Variants in UVRAG observed in about 807,000 individuals in gnomAD.
UVRAG encodes the protein UV radiation resistance-associated gene protein.
A neutral mutation model predicts 78.0 loss-of-function variants in UVRAG; 19 were observed. The observed-to-expected ratio is 0.24, with a 90% CI of 0.17 to 0.36. The LOEUF (loss-of-function observed/expected upper bound fraction) is 0.36, where lower values mean the gene tolerates loss of function less well. Among genes scored for constraint, UVRAG ranks in the 10% least tolerant of loss-of-function variants. The probability of loss-of-function intolerance (pLI) is 1.00; values close to 1 mark genes in which losing one functional copy is unlikely to be tolerated. For missense variants in UVRAG, 740 were observed against 853.8 expected (o/e 0.87, Z 1.66); for synonymous variants, 323 against 324.6 (o/e 1.00, Z 0.05).
At chr11:75,868,671 T>C (rs1413276142) in intron 3 of UVRAG, among the ~76,000 whole-genome samples, 3 of 152,220 alleles carry the variant, frequency 2.0e-5, no homozygotes, top group African/African-American at 4.8e-5. Context: ...CTTGATATTA[T>C]TGAAAGGTCA....
At chr11:75,983,287 T>C in intron 7 of UVRAG, 100 bp from the exon 8 acceptor site, 1 of 1,122,890 alleles carries the variant, frequency 8.9e-7, no homozygotes, top group Non-Finnish European at 1.2e-6. Context: ...AGTATTAAAA[T>C]GTTTTAAGCC....
At chr11:76,125,354 C>T (rs1952365308) in intron 14 of UVRAG, among the ~76,000 whole-genome samples, 2 of 152,230 alleles carry the variant, frequency 1.3e-5, no homozygotes, top group Non-Finnish European at 2.9e-5. Context: ...GACGAGTCAT[C>T]TCCTTGTCTC....
intron 12 of UVRAG, among the ~76,000 whole-genome samples, chr11:76,056,056 A>AT (rs1184189035): frequency 6.6e-6 from 1 of 152,178 alleles, no homozygotes; most frequent in Non-Finnish European, 1.5e-5. Flanking sequence ...CATCAAATAC[A>AT]TAGGCATCTG....
intron 13 of UVRAG, among the ~76,000 whole-genome samples, chr11:76,094,271 A>T (rs1951751467): frequency 3.9e-5 from 6 of 152,250 alleles, no homozygotes; most frequent in South Asian, 2.1e-4. Flanking sequence ...AGTATTTTAT[A>T]GAGGATTTTT....
chr11:75,887,582 G>C (rs980834272), intron 4 of UVRAG, among the ~76,000 whole-genome samples: 9 of 151,910 alleles, frequency 5.9e-5, no homozygotes, highest in South Asian at 2.1e-4. Flanking sequence ...CGAGTAGCTG[G>C]GACTGCAGGC....
At chr11:75,842,317 G>C (rs561245282) in intron 1 of UVRAG, among the ~76,000 whole-genome samples, 1 of 152,222 alleles carries the variant, frequency 6.6e-6, no homozygotes, top group South Asian at 2.1e-4. Flanking sequence ...ACTGCAGTCG[G>C]TCACAAGGTG....
intron 1 of UVRAG, among the ~76,000 whole-genome samples, chr11:75,823,874 C>T (rs1434849153): frequency 6.6e-6 from 1 of 152,114 alleles, no homozygotes; most frequent in Non-Finnish European, 1.5e-5. Flanking sequence ...AAGAACTTTA[C>T]AGCCTAAAGA....
intron 6 of UVRAG, among the ~76,000 whole-genome samples, chr11:75,934,149 C>T (rs1948309407): frequency 6.6e-6 from 1 of 152,136 alleles, no homozygotes; most frequent in Admixed American, 6.5e-5. Flanking sequence ...CAATGGAATA[C>T]TATTCCGCCA....
At position 75,961,002 on chromosome 11, in the gene UVRAG, A is replaced by G. The variant is rs185938679; in HGVS notation, c.594-442A>G. Among the ~76,000 whole-genome samples, 5 of 151,074 alleles carry G rather than the reference A, an allele frequency of 3.3e-5. No homozygotes were observed. In the East Asian group the frequency reaches 5.9e-4, roughly 18 times the overall value. ...TGAGAGTGCTGTCTGCTTTGATTCA[A>G]CCTTCTCAACTTGGATTACTGTGAA... On this transcript the variant is annotated intron_variant, in intron 6 of 14. Coordinates refer to ENST00000356136, the MANE Select transcript of UVRAG (RefSeq NM_003369.4).
chr11:76,094,410 T>G (rs922345613), intron 13 of UVRAG, among the ~76,000 whole-genome samples: 5 of 152,210 alleles, frequency 3.3e-5, no homozygotes, highest in Admixed American at 6.5e-5. Flanking sequence ...TTTCTCTTGA[T>G]TGGAATAGTT....
intron 6 of UVRAG, among the ~76,000 whole-genome samples, chr11:75,931,334 A>G (rs1043873321): frequency 3.3e-5 from 5 of 152,102 alleles, no homozygotes; most frequent in Non-Finnish European, 7.4e-5. Flanking sequence ...TCATACAACT[A>G]TGCACACAGA....
At chr11:75,827,439 A>G (rs1010316134) in intron 1 of UVRAG, among the ~76,000 whole-genome samples, 2 of 152,040 alleles carry the variant, frequency 1.3e-5, no homozygotes, top group African/African-American at 4.8e-5. Context: ...GCGAAACCCC[A>G]TCTCTACTAA....
At chr11:76,125,689 G>A (rs903943852) in intron 14 of UVRAG, among the ~76,000 whole-genome samples, 6 of 152,070 alleles carry the variant, frequency 3.9e-5, no homozygotes, top group African/African-American at 1.4e-4. Context: ...TTTTCCCATT[G>A]TTTTTACTTG....
intron 8 of UVRAG, among the ~76,000 whole-genome samples, chr11:76,001,373 C>T (rs184443726): frequency 6.6e-6 from 1 of 152,234 alleles, no homozygotes; most frequent in East Asian, 1.9e-4. Flanking sequence ...AGTCAATAAT[C>T]TAAGCTTGTA....
At chr11:76,000,368 C>T (rs565617598) in intron 8 of UVRAG, among the ~76,000 whole-genome samples, 68 of 152,124 alleles carry the variant, frequency 4.5e-4, no homozygotes, top group Non-Finnish European at 8.2e-4. Context: ...TTTGGGAGGC[C>T]AAAGCAGGAG....
chr11:75,855,148 G>T (rs1029413354), intron 2 of UVRAG, among the ~76,000 whole-genome samples: 2 of 152,188 alleles, frequency 1.3e-5, no homozygotes, highest in Non-Finnish European at 2.9e-5. Context: ...TATGATGAAA[G>T]CAAAGTGCCT....
intron 8 of UVRAG, among the ~76,000 whole-genome samples, chr11:75,995,225 G>T (rs1406936066): frequency 6.9e-6 from 1 of 145,614 alleles, no homozygotes; most frequent in African/African-American, 2.6e-5. Context: ...TATGATTGTT[G>T]CCTGTTTAAT....
chr11:75,974,129 C>T (rs951149333), intron 7 of UVRAG, among the ~76,000 whole-genome samples: 3 of 152,124 alleles, frequency 2.0e-5, no homozygotes, highest in Non-Finnish European at 2.9e-5. Context: ...GGAATTGCCA[C>T]CTGTCTTCCA....
At chr11:75,824,952 C>T (rs1590899062) in intron 1 of UVRAG, among the ~76,000 whole-genome samples, 1 of 152,024 alleles carries the variant, frequency 6.6e-6, no homozygotes, top group African/African-American at 2.4e-5. Context: ...GGATTACAGG[C>T]GTGAGCCAGC....
Sources: gnomAD v4.1 joint callset for allele counts (sites outside exome capture counted in the v4.1 genomes callset) on GRCh38, gnomAD v4.1.1 for gene constraint, MANE v1.5 for transcripts, NCBI Gene and HGNC (gene_info 2026-07-23, HGNC 2026-07-21) for gene names.